The following CEP170B variants were observed in gnomAD, a reference collection of about 807,000 sequenced individuals.
CEP170B encodes centrosomal protein 170B.
In CEP170B, 55 loss-of-function variants were observed where a neutral mutation model predicts 120.6. That is an observed-to-expected ratio of 0.46 (90% CI 0.37 to 0.57). The LOEUF (loss-of-function observed/expected upper bound fraction) is 0.57, where lower values mean the gene tolerates loss of function less well. Among genes scored for constraint, CEP170B ranks in the 20% least tolerant of loss-of-function variants. The probability of loss-of-function intolerance (pLI) is 0.00; values close to 1 mark genes in which losing one functional copy is unlikely to be tolerated. For synonymous variants in CEP170B, 1,033 were observed against 954.5 expected, an observed-to-expected ratio of 1.08 and a Z score of -1.52; for missense variants, 2,212 against 2,253.3, an observed-to-expected ratio of 0.98 and a Z score of 0.37.
In CEP170B at chr14:104,890,902, G is replaced by GGGAT. The variant is rs1318451155; in HGVS notation, c.3878+1166_3878+1169dup. 2.1e-4 allele frequency among the ~76,000 whole-genome samples: 22 copies of GGGAT among 102,764 alleles called. 1 individual carries two copies. The East Asian group carries it at 2.3e-3, about 11-fold the overall frequency. 67.4% of individuals were successfully genotyped at this position (102,764 alleles called of 152,430 possible). ...ATGGATGAGTGGGTGGGTGGATGGAGGGATGGATGGATGGATGGATGGATG... is the reference window on the plus strand; with the variant it reads ...ATGGATGAGTGGGTGGGTGGATGGAGGGATGGATGGATGGATGGATGGATGGATG... On this transcript the variant is annotated intron_variant, in intron 13 of 18. Transcript: ENST00000414716.
chr14:104,892,633 C>G (rs1283931060), intron 13 of CEP170B, among the ~76,000 whole-genome samples: 2 of 152,238 alleles, frequency 1.3e-5, no homozygotes, highest in South Asian at 4.1e-4. Flanking sequence ...CATTTGGGCC[C>G]CGCAGCTGTG....
Position 104,884,222 on chromosome 14 carries a change from C to G in CEP170B, c.1443C>G (p.Pro481=). The stretch of plus-strand genomic sequence containing the variant: ...AGGAACGGCTGGGCAGCCCCTCGCC[C>G]GCCTCCCGAACCCCTGCCCGCCCCT... ...KTEERLGSPS[P]ASRTPARPFG... The change falls in exon 9 of 19, where the codon CCC becomes CCG. Residue 481 remains proline (P), a synonymous_variant. Coordinates refer to ENST00000414716, the MANE Select transcript of CEP170B (RefSeq NM_001112726.3). 6.5e-7 allele frequency: 1 copy of G among 1,542,944 alleles called. No homozygotes were observed. Among genetic ancestry groups the G allele is most frequent in the Non-Finnish European group, 8.7e-7 (1 of 1,146,932 alleles).
Position 104,883,063 on chromosome 14 carries a change from C to G in CEP170B, c.606C>G (p.Asp202Glu). The G allele has an allele frequency of 6.5e-7, 1 of 1,548,284 alleles. No homozygotes were observed. Among genetic ancestry groups the G allele is most frequent in the Non-Finnish European group, 8.7e-7 (1 of 1,150,334 alleles). The change falls in exon 8 of 19, where the codon GAC becomes GAG. Residue 202 changes from aspartate to glutamate, a missense_variant. Transcript: ENST00000414716. ...GCCCCAAGGGACCAGTGCAGCAGGA[C>G]GGGGAGCTCCACGGCTTCCGCGCCC... The part of the protein sequence containing the change: ...PERPKGPVQQ[D>E]GELHGFRAPA...
intron 7 of CEP170B, 34 bp downstream of exon 7, chr14:104,882,866 G>A (rs1896229829): frequency 6.3e-7 from 1 of 1,596,410 alleles, no homozygotes; most frequent in African/African-American, 1.3e-5. Context: ...GAGACCCTGA[G>A]GGCTCCCAGA....
intron 5 of CEP170B, among the ~76,000 whole-genome samples, chr14:104,879,463 G>A (rs1295422907): frequency 6.6e-6 from 1 of 152,152 alleles, no homozygotes; most frequent in African/African-American, 2.4e-5. Context: ...GGTCTCCTGG[G>A]CTGAAATCTG....
intron 3 of CEP170B, 59 bp from the exon 4 acceptor site, chr14:104,877,826 G>GCCCCCAGCCCCCCCCCCCCCC: frequency 1.9e-6 from 1 of 534,440 alleles, no homozygotes. Context: ...CTGCGGCCCT[G>GCCCCCAGCCCCCCCCCCCCCC]CCCACAGCCA....
Position 104,874,307 on chromosome 14 carries a change from G to T in CEP170B, c.106-1949G>T, listed in dbSNP as rs897784920. Among the ~76,000 whole-genome samples the T allele has an allele frequency of 2.6e-5, 4 of 152,214 alleles. No homozygotes were observed. In the South Asian group the frequency reaches 8.3e-4, roughly 32 times the overall value. On this transcript the variant is annotated intron_variant, in intron 2 of 18. Coordinates refer to ENST00000414716, the MANE Select transcript of CEP170B (RefSeq NM_001112726.3). ...TGCCACTGGGGTGGCCAGGAGCCAC[G>T]TAGCTGTGGGTGCCAGCTTCGGAGA...
At position 104,877,873 on chromosome 14, in the gene CEP170B, GT is replaced by G. The variant is rs1895947786; in HGVS notation, c.196-8del. 5.8e-6 allele frequency: 2 copies of G among 346,196 alleles called. No individual in the cohort carries two copies. Among genetic ancestry groups the G allele is most frequent in the Non-Finnish European group, 3.9e-6 (1 of 256,246 alleles). 21.4% of individuals were successfully genotyped at this position (346,196 alleles called of 1,614,324 possible). On this transcript the variant is annotated splice_polypyrimidine_tract_variant and intron_variant, in intron 3 of 18. Coordinates refer to ENST00000414716, the MANE Select transcript of CEP170B (RefSeq NM_001112726.3). ...AGCTCCCCCCCCCCCCCCGCCACCT[GT>G]TTTCCTGCAGACGTTTGTGAATGAC...
At chr14:104,889,943 T>TA in intron 13 of CEP170B, among the ~76,000 whole-genome samples, 185 bp downstream of exon 13, 6 of 64,508 alleles carry the variant, frequency 9.3e-5, no homozygotes, top group Non-Finnish European at 1.3e-4. Flanking sequence ...GATGGATGGA[T>TA]GGATGGATGA....
chr14:104,883,458 ACCG>A lies in CEP170B; in HGVS notation c.1004_1006del (p.Arg335del). ...CTGCACCGGGTTGGCCCTGGGGATG[ACCG>A]CCACAGCACCAAGAGCGACCTGCCT... is the stretch of plus-strand genomic sequence containing the variant. On this transcript the variant is annotated inframe_deletion, in exon 8 of 19. Coordinates refer to ENST00000414716, the MANE Select transcript of CEP170B (RefSeq NM_001112726.3). 1 of 1,559,572 alleles carries A rather than the reference ACCG, an allele frequency of 6.4e-7. No homozygotes were observed. The highest frequency in any genetic ancestry group is 8.7e-7 in the Non-Finnish European group (1 of 1,152,886).
intron 2 of CEP170B, among the ~76,000 whole-genome samples, chr14:104,875,511 G>A (rs1307504098): frequency 6.6e-6 from 1 of 152,100 alleles, no homozygotes. Flanking sequence ...TGGAGTGGAG[G>A]CCGGGTGGGC....
intron 10 of CEP170B, 22 bp downstream of exon 10, chr14:104,885,564 C>T (rs1342085521): frequency 3.9e-6 from 6 of 1,539,362 alleles, no homozygotes; most frequent in African/African-American, 2.8e-5. Context: ...GACGGCCACC[C>T]CAAGGAGGGG....
chr14:104,889,566 AGTACGGCTCCCGCCACGG>A, intron 12 of CEP170B, 36 bp from the exon 13 acceptor site: 5 of 1,602,430 alleles, frequency 3.1e-6, no homozygotes, highest in Non-Finnish European at 4.2e-6. Context: ...TCTGAGGAGG[AGTACGGCTCCCGCCACGG>A]CTCCCCCAAA....
chr14:104,878,383 T>C lies in CEP170B; in HGVS notation c.275-60T>C, dbSNP rs996591128. On this transcript the variant is annotated intron_variant, in intron 4 of 18. Transcript: ENST00000414716. The stretch of plus-strand genomic sequence containing the variant: ...GAGCTGGCACACCTGTTGCTGGGCG[T>C]GGACTTCAGCGCTGGGCTCCTGGCT... 1.4e-5 allele frequency: 22 copies of C among 1,557,812 alleles called. No homozygotes were observed. In the Admixed American group the frequency reaches 3.7e-4, roughly 26 times the overall value.
At chr14:104,878,646 C>T in intron 5 of CEP170B, 145 bp downstream of exon 5, 1 of 786,420 alleles carries the variant, frequency 1.3e-6, no homozygotes, top group Non-Finnish European at 2.1e-6. Flanking sequence ...ATGAGTCAGG[C>T]CAGCCTGTCC....
In CEP170B at chr14:104,884,558, C is replaced by T. The variant is rs962676463; in HGVS notation, c.1770+9C>T. 6.5e-7 allele frequency: 1 copy of T among 1,538,104 alleles called. No homozygotes were observed. Reference sequence around the variant, plus strand: ...GGAAGATGATCGACCAGGTGCAGCCCAGCGGCGAGTGAGAGCCCTCGTGGG... The same window carrying T: ...GGAAGATGATCGACCAGGTGCAGCCTAGCGGCGAGTGAGAGCCCTCGTGGG... On this transcript the variant is annotated intron_variant, in intron 9 of 18. Coordinates refer to ENST00000414716, the MANE Select transcript of CEP170B (RefSeq NM_001112726.3).
At position 104,894,920 on chromosome 14, in the gene CEP170B, C is replaced by G; in HGVS notation, c.4627C>G (p.Pro1543Ala). 6.3e-7 allele frequency: 1 copy of G among 1,594,796 alleles called. No homozygotes were observed. The highest frequency in any genetic ancestry group is 8.5e-7 in the Non-Finnish European group (1 of 1,171,068). ...CTGTGGGCCTCCCAGCCTCCCGGACCCCACCTTCCTCCCTGATGCCGAGAG... is the reference window on the plus strand; with the variant it reads ...CTGTGGGCCTCCCAGCCTCCCGGACGCCACCTTCCTCCCTGATGCCGAGAG... ...ASCGPPSLPD[P>A]TFLPDAERFL... Residue 1543 changes from proline to alanine, a missense_variant, in exon 19 of 19, where the codon CCC becomes GCC. Transcript: ENST00000414716.
Position 104,896,179 on chromosome 14 carries a change from G to C in CEP170B, c.*1221G>C. On this transcript the variant is annotated 3_prime_UTR_variant, in exon 19 of 19. Transcript: ENST00000414716. ...ATGGTATGAGAGTCGGACCTGGACA[G>C]GGCCAGCTGCTGGGGGAGCGGCACT... 1 of 213,518 alleles carries C rather than the reference G, an allele frequency of 4.7e-6. No homozygotes were observed. The highest frequency in any genetic ancestry group is 1.2e-4 in the East Asian group (1 of 8,036). The allele number at this position is 213,518 out of a possible 1,614,324, so 13.2% of individuals were successfully genotyped here. A position where few individuals can be genotyped will look rare whatever the true frequency, so the allele number is the denominator to read the frequency against.
chr14:104,868,310 C>G lies in CEP170B; in HGVS notation c.-27-114C>G. 1 of 729,294 alleles carries G rather than the reference C, an allele frequency of 1.4e-6. No homozygotes were observed. Among genetic ancestry groups the G allele is most frequent in the East Asian group, 2.7e-5 (1 of 36,600 alleles). The allele number at this position is 729,294 out of a possible 1,614,324, so 45.2% of individuals were successfully genotyped here. On this transcript the variant is annotated intron_variant, in intron 1 of 18. Coordinates refer to ENST00000414716, the MANE Select transcript of CEP170B (RefSeq NM_001112726.3). This position sits in a 1 kb window ranked among gnomAD's most constrained non-coding sequence, Gnocchi z 5.9. ...CTGATGAGGCTGGAGCCCAGCTTCT[C>G]CGGAAGCTGCCAGCTTCCCTTAGAG... is the stretch of plus-strand genomic sequence containing the variant.
Sources: gnomAD v4.1 joint callset for allele counts (sites outside exome capture counted in the v4.1 genomes callset) on GRCh38, gnomAD v4.1.1 for gene constraint, Gnocchi (gnomAD v3.1) non-coding constraint, MANE v1.5 for transcripts, NCBI Gene and HGNC (gene_info 2026-07-23, HGNC 2026-07-21) for gene names.